The following ZBTB49 variants were observed in gnomAD, a reference collection of about 807,000 sequenced individuals.
ZBTB49 encodes zinc finger and BTB domain-containing protein 49.
A neutral mutation model predicts 57.5 loss-of-function variants in ZBTB49; 43 were observed. That is an observed-to-expected ratio of 0.75 (90% CI 0.59 to 0.97). The LOEUF (loss-of-function observed/expected upper bound fraction) is 0.97. Among genes scored for constraint, ZBTB49 ranks in the 50% least tolerant of loss-of-function variants. The probability of loss-of-function intolerance (pLI) is 0.00; values close to 1 mark genes in which losing one functional copy is unlikely to be tolerated. For synonymous variants in ZBTB49, 369 were observed against 362.1 expected (o/e 1.02, Z -0.22); for missense variants, 938 against 947.7 (o/e 0.99, Z 0.13).
At chr4:4,307,650 A>G (rs1015711917) in intron 4 of ZBTB49, among the ~76,000 whole-genome samples, 11 of 151,562 alleles carry the variant, frequency 7.3e-5, no homozygotes, top group South Asian at 4.2e-4. Context: ...CATCCTCATG[A>G]CCCCCAGATG....
chr4:4,310,876 C>T (rs1412801611), intron 4 of ZBTB49, among the ~76,000 whole-genome samples: 1 of 151,974 alleles, frequency 6.6e-6, no homozygotes, highest in African/African-American at 2.4e-5. Flanking sequence ...ATGGTCTGTG[C>T]ACCTAAGATA....
intron 1 of ZBTB49, among the ~76,000 whole-genome samples, chr4:4,296,325 A>G (rs12650949): frequency 0.064 from 9,742 of 152,268 alleles, 823 homozygotes; most frequent in East Asian, 0.32. Flanking sequence ...GTCACCACCC[A>G]AATCTCATTT....
intron 4 of ZBTB49, 93 bp from the exon 5 acceptor site, chr4:4,312,948 G>A: frequency 7.5e-7 from 1 of 1,341,240 alleles, no homozygotes. Flanking sequence ...ATTGGAACCT[G>A]GCTAAATGTG....
At chr4:4,306,926 G>A (rs1720759244) in intron 4 of ZBTB49, among the ~76,000 whole-genome samples, 1 of 152,238 alleles carries the variant, frequency 6.6e-6, no homozygotes, top group Non-Finnish European at 1.5e-5. Context: ...ACACAGCATG[G>A]TAGATCCTGT....
In ZBTB49 at chr4:4,305,530, G is replaced by A. The variant is rs115906631; in HGVS notation, c.1256-608G>A. On this transcript the variant is annotated intron_variant, in intron 3 of 7. Coordinates refer to ENST00000337872, the MANE Select transcript of ZBTB49 (RefSeq NM_145291.4). ...TAGTAGAGTACCATTCTTAGAATCT[G>A]TTCTGTCCCCAAGCGCAGTTACTTA... 9.2e-3 allele frequency among the ~76,000 whole-genome samples: 1,402 copies of A among 152,286 alleles called. 15 individuals are homozygous for A. The highest frequency in any genetic ancestry group is 0.015 in the Non-Finnish European group (1,010 of 68,024).
In ZBTB49 at chr4:4,315,573, C is replaced by T. The variant is rs1721156271; in HGVS notation, c.1377-63C>T. 5 of 1,511,028 alleles carry T rather than the reference C, an allele frequency of 3.3e-6. No homozygotes were observed. The Admixed American group carries it at 5.5e-5, about 17-fold the overall frequency. 93.6% of individuals were successfully genotyped at this position (1,511,028 alleles called of 1,614,324 possible). Reference sequence around the variant, plus strand: ...AGGTATCTCCTCCCTCAGAGAGTTGCAGTTATAAAGACCCACAGTAATGTG... The same window carrying T: ...AGGTATCTCCTCCCTCAGAGAGTTGTAGTTATAAAGACCCACAGTAATGTG... On this transcript the variant is annotated intron_variant, in intron 5 of 7. Transcript: ENST00000337872.
chr4:4,319,584 G>A (rs961619200), intron 7 of ZBTB49, among the ~76,000 whole-genome samples: 1 of 152,242 alleles, frequency 6.6e-6, no homozygotes, highest in Non-Finnish European at 1.5e-5. Flanking sequence ...ACTTTGGGAG[G>A]CTGAGATGAG....
chr4:4,303,879 A>G (rs1301544010), intron 3 of ZBTB49, among the ~76,000 whole-genome samples: 1 of 152,058 alleles, frequency 6.6e-6, no homozygotes, highest in African/African-American at 2.4e-5. Context: ...AGCACATTAC[A>G]GATGAACAAC....
At position 4,302,113 on chromosome 4, in the gene ZBTB49, A is replaced by T. The variant is rs1253401660; in HGVS notation, c.277A>T (p.Asn93Tyr). The T allele has an allele frequency of 6.2e-7, 1 of 1,614,130 alleles. No homozygotes were observed. The highest frequency in any genetic ancestry group is 1.3e-5 in the African/African-American group (1 of 74,950). Reference sequence around the variant, plus strand: ...TTCTCATCTAGATCTTAACCAGGACAATATACAAGTAATGCTGGACACAGC... The same window carrying T: ...TTCTCATCTAGATCTTAACCAGGACTATATACAAGTAATGCTGGACACAGC... ...YTSHLDLNQDNIQVMLDTAQC... is the reference protein window; with the variant it reads ...YTSHLDLNQDYIQVMLDTAQC... The change falls in exon 3 of 8, where the codon AAT becomes TAT. Residue 93 changes from asparagine to tyrosine, a missense_variant. Asn to Tyr is a moderately radical substitution (Grantham distance 143). This residue lies in a region of ZBTB49 where 100 missense variants were observed against 112.5 expected (regional missense o/e 0.89). Transcript: ENST00000337872.
At chr4:4,291,896 C>G (rs779812051) in intron 1 of ZBTB49, among the ~76,000 whole-genome samples, 2 of 151,832 alleles carry the variant, frequency 1.3e-5, no homozygotes, top group African/African-American at 2.4e-5. Flanking sequence ...TTTGGGAGGC[C>G]GAGGCAGGCA....
intron 4 of ZBTB49, among the ~76,000 whole-genome samples, chr4:4,309,509 T>C (rs1386369620): frequency 6.6e-6 from 1 of 152,200 alleles, no homozygotes; most frequent in African/African-American, 2.4e-5. Context: ...CGTAATTACC[T>C]GTCTTTGGGG....
At chr4:4,312,087 C>T (rs371290702) in intron 4 of ZBTB49, among the ~76,000 whole-genome samples, 191 of 152,306 alleles carry the variant, frequency 1.3e-3, no homozygotes, top group Non-Finnish European at 2.0e-3. Context: ...TATTCATTCT[C>T]GTTTTTCACT....
At chr4:4,296,420 G>A (rs541482159) in intron 1 of ZBTB49, among the ~76,000 whole-genome samples, 49 of 152,286 alleles carry the variant, frequency 3.2e-4, no homozygotes, top group African/African-American at 9.9e-4. Context: ...TCTTTCCCAC[G>A]CTGTTCTCAT....
chr4:4,320,379 C>A (rs1182455131), intron 7 of ZBTB49, among the ~76,000 whole-genome samples: 2 of 152,070 alleles, frequency 1.3e-5, no homozygotes, highest in African/African-American at 2.4e-5. Context: ...CAGGGTTGTT[C>A]AGTGTCTTGG....
chr4:4,299,806 T>TGAGA (rs1383564605), intron 1 of ZBTB49, 121 bp from the exon 2 acceptor site: 3 of 736,716 alleles, frequency 4.1e-6, no homozygotes, highest in African/African-American at 3.8e-5. Context: ...TGTGTGTGTG[T>TGAGA]GTGTGAGAGA....
intron 1 of ZBTB49, among the ~76,000 whole-genome samples, chr4:4,292,539 A>G (rs2108863660): frequency 6.6e-6 from 1 of 152,368 alleles, no homozygotes; most frequent in Non-Finnish European, 1.5e-5. Context: ...TGTTAGGCAC[A>G]CAGTATCTGT....
chr4:4,307,161 C>A (rs938328764), intron 4 of ZBTB49, among the ~76,000 whole-genome samples: 1 of 152,234 alleles, frequency 6.6e-6, no homozygotes, highest in South Asian at 2.1e-4. Context: ...AAGTCCTCGC[C>A]GTCTCTCATC....
rs572336453 is a variant in ZBTB49 at position 4,307,063 on chromosome 4, C to T, written c.1302+879C>T. Reference sequence around the variant, plus strand: ...GTTTCTCTTCATCTGTTGAGGGTGTCAGTTCCATTTGCTCACACACCCAAA... The same window carrying T: ...GTTTCTCTTCATCTGTTGAGGGTGTTAGTTCCATTTGCTCACACACCCAAA... On this transcript the variant is annotated intron_variant, in intron 4 of 7. Transcript: ENST00000337872. Among the ~76,000 whole-genome samples the T allele has an allele frequency of 2.0e-5, 3 of 152,354 alleles. No individual in the cohort carries two copies. In the South Asian group the frequency reaches 6.2e-4, roughly 32 times the overall value.
chr4:4,305,496 G>T (rs900162859), intron 3 of ZBTB49, among the ~76,000 whole-genome samples: 2 of 152,152 alleles, frequency 1.3e-5, no homozygotes, highest in African/African-American at 4.8e-5. Flanking sequence ...AACAGCTGTG[G>T]TTTTTTTGTA....
Sources: gnomAD v4.1 joint callset for allele counts (sites outside exome capture counted in the v4.1 genomes callset) on GRCh38, gnomAD v4.1.1 for gene constraint, gnomAD v4.1.1 regional missense constraint, MANE v1.5 for transcripts, NCBI Gene and HGNC (gene_info 2026-07-23, HGNC 2026-07-21) for gene names.